TP63: variants seen among roughly 807,000 people sequenced by gnomAD.
TP63 encodes the protein tumor protein 63.
Under a neutral mutation model 82.8 loss-of-function variants are expected in TP63, and 17 were observed. The ratio of observed to expected loss-of-function variants is 0.21; its 90% CI spans 0.14 to 0.31. The LOEUF is 0.31. Among genes scored for constraint, TP63 ranks in the 10% least tolerant of loss-of-function variants. The pLI, the probability that TP63 is intolerant of heterozygous loss-of-function variation, is 1.00. For missense variants in TP63, 648 were observed against 895.3 expected, an observed-to-expected ratio of 0.72 and a Z score of 3.52; for synonymous variants, 330 against 321.7, an observed-to-expected ratio of 1.03 and a Z score of -0.28.
intron 10 of TP63, among the ~76,000 whole-genome samples, chr3:189,878,732 G>A (rs1446162461): frequency 6.7e-6 from 1 of 148,278 alleles, no homozygotes; most frequent in African/African-American, 2.5e-5. Context: ...CCAGCCTACA[G>A]TTTACTTTTG....
chr3:189,833,794 G>A (rs912925470), intron 4 of TP63, among the ~76,000 whole-genome samples: 2 of 151,750 alleles, frequency 1.3e-5, no homozygotes, highest in African/African-American at 4.8e-5. Flanking sequence ...AAATAGAAAA[G>A]CCAGATCTCT....
chr3:189,892,051 G>T (rs1721077641), intron 13 of TP63, among the ~76,000 whole-genome samples: 1 of 152,080 alleles, frequency 6.6e-6, no homozygotes, highest in Non-Finnish European at 1.5e-5. Context: ...GATAGAATAA[G>T]TTATAAGCAA....
intron 5 of TP63, 22 bp from the exon 6 acceptor site, chr3:189,866,660 T>G (rs1334509223): frequency 1.2e-6 from 2 of 1,604,840 alleles, no homozygotes; most frequent in Non-Finnish European, 1.7e-6. Flanking sequence ...AACTAACTCT[T>G]TTATTGTTTT....
intron 1 of TP63, among the ~76,000 whole-genome samples, chr3:189,728,540 C>G (rs960922534): frequency 6.6e-6 from 1 of 152,104 alleles, no homozygotes; most frequent in East Asian, 1.9e-4. Context: ...TCTGTAAGGG[C>G]TCAAGGATGA....
intron 1 of TP63, among the ~76,000 whole-genome samples, chr3:189,676,089 A>G (rs1560102559): frequency 6.6e-6 from 1 of 152,188 alleles, no homozygotes; most frequent in Non-Finnish European, 1.5e-5. Flanking sequence ...ATGTATGCGT[A>G]CATTGTTAAC....
At chr3:189,830,405 A>C (rs565989017) in intron 4 of TP63, among the ~76,000 whole-genome samples, 2 of 152,310 alleles carry the variant, frequency 1.3e-5, no homozygotes, top group East Asian at 3.9e-4. Context: ...TTGAAAAAAA[A>C]TGTATATCCT....
intron 4 of TP63, among the ~76,000 whole-genome samples, chr3:189,812,571 G>C (rs1199141179): frequency 6.6e-6 from 1 of 152,124 alleles, no homozygotes; most frequent in Admixed American, 6.6e-5. Flanking sequence ...ATTTCAACTC[G>C]GAAACTTACT....
At chr3:189,747,704 A>T (rs1290142673) in intron 3 of TP63, among the ~76,000 whole-genome samples, 1 of 152,082 alleles carries the variant, frequency 6.6e-6, no homozygotes, top group Non-Finnish European at 1.5e-5. Context: ...CCAGATAGAA[A>T]ATTAGCAGAA....
At chr3:189,652,426 G>A (rs898841961) in intron 1 of TP63, among the ~76,000 whole-genome samples, 2 of 147,090 alleles carry the variant, frequency 1.4e-5, no homozygotes, top group African/African-American at 5.1e-5. Context: ...TTTGAAATGG[G>A]TGTATTTACC....
At chr3:189,849,481 A>C (rs980398712) in intron 4 of TP63, among the ~76,000 whole-genome samples, 27 of 150,072 alleles carry the variant, frequency 1.8e-4, no homozygotes, top group Non-Finnish European at 3.8e-4. Context: ...GTGGTGAAAA[A>C]CTCCCACACA....
chr3:189,832,769 AG>A (rs774535466), intron 4 of TP63, among the ~76,000 whole-genome samples: 11 of 152,170 alleles, frequency 7.2e-5, no homozygotes, highest in Non-Finnish European at 1.0e-4. Flanking sequence ...TCCAGGATGG[AG>A]GATTAATATT....
chr3:189,620,095 G>A, the TP63 span, among the ~76,000 whole-genome samples: 5 of 152,210 alleles, frequency 3.3e-5, no homozygotes, highest in African/African-American at 4.8e-5. Context: ...ACTCTTGGCT[G>A]GGTGTGGTGG....
chr3:189,787,898 G>A (rs189385805), intron 3 of TP63, among the ~76,000 whole-genome samples: 83 of 152,048 alleles, frequency 5.5e-4, no homozygotes, highest in African/African-American at 2.0e-3. Flanking sequence ...CTGGGGCCAC[G>A]TCCAGAAATC....
intron 1 of TP63, among the ~76,000 whole-genome samples, chr3:189,674,240 A>T (rs13067268): frequency 1.3e-5 from 2 of 152,028 alleles, no homozygotes; most frequent in East Asian, 1.9e-4. Flanking sequence ...ATGAGATAGC[A>T]TTGTTCCAGG....
intron 10 of TP63, among the ~76,000 whole-genome samples, chr3:189,875,967 G>A (rs527872605): frequency 7.9e-5 from 12 of 152,042 alleles, no homozygotes; most frequent in African/African-American, 1.2e-4. Flanking sequence ...CTTGATTCAC[G>A]TCACATATTC....
the TP63 span, among the ~76,000 whole-genome samples, chr3:189,613,704 G>T: frequency 2.6e-5 from 4 of 152,166 alleles, no homozygotes; most frequent in Admixed American, 2.6e-4. Flanking sequence ...AGTGTACCCT[G>T]CAAAACCACA....
At chr3:189,613,367 G>T in the TP63 span, among the ~76,000 whole-genome samples, 1 of 151,762 alleles carries the variant, frequency 6.6e-6, no homozygotes, top group Non-Finnish European at 1.5e-5. Context: ...CAGCTTCCAT[G>T]TGGTGTTGAG....
chr3:189,854,223 T>G (rs1010123895), intron 4 of TP63, among the ~76,000 whole-genome samples: 1 of 152,026 alleles, frequency 6.6e-6, no homozygotes, highest in African/African-American at 2.4e-5. Context: ...CTCTCCTATG[T>G]TGTTGTTTTT....
chr3:189,729,405 A>T (rs1719999626), intron 1 of TP63, among the ~76,000 whole-genome samples: 1 of 152,190 alleles, frequency 6.6e-6, no homozygotes. Flanking sequence ...GGGCAATCAG[A>T]TCTTAAGACA....
Sources: allele counts gnomAD v4.1 joint callset (sites outside exome capture counted in the v4.1 genomes callset), GRCh38; gene constraint gnomAD v4.1.1; transcripts MANE v1.5; gene names NCBI Gene and HGNC (gene_info 2026-07-23, HGNC 2026-07-21).